INTS6: variants seen among roughly 807,000 people sequenced by gnomAD.
INTS6 encodes the protein DEAD box protein.
INTS6 carries 16 observed loss-of-function variants against 104.9 expected under a neutral mutation model. The observed-to-expected ratio is 0.15, with a 90% CI of 0.10 to 0.23. The LOEUF is 0.23. Ranked by LOEUF, INTS6 falls within the 10% of genes least tolerant of loss-of-function variation. INTS6 has a pLI of 1.00. For synonymous variants in INTS6, 324 were observed against 358.7 expected (o/e 0.90, Z 1.09); for missense variants, 584 against 1,062.8 (o/e 0.55, Z 6.26).
At chr13:51,352,471 GTTTT>G (rs796835423), downstream of INTS6, among the ~76,000 whole-genome samples, 1 of 150,222 alleles carries the variant, frequency 6.7e-6, no homozygotes, top group Non-Finnish European at 1.5e-5. Context: ...GCTCTGATAG[GTTTT>G]TTTTTGTGTG....
chr13:51,434,700 C>T (rs567295046), intron 3 of INTS6, among the ~76,000 whole-genome samples: 187 of 152,210 alleles, frequency 1.2e-3, no homozygotes, highest in Non-Finnish European at 1.9e-3. Context: ...ATTTCTACAT[C>T]ACTAGCAGAA....
chr13:51,343,422 G>A, the INTS6 span, among the ~76,000 whole-genome samples: 1 of 152,126 alleles, frequency 6.6e-6, no homozygotes, highest in Non-Finnish European at 1.5e-5. Context: ...GCCTGGGGGA[G>A]GACAGAAGCT....
At chr13:51,393,238 C>CA (rs1226696053) in intron 5 of INTS6, among the ~76,000 whole-genome samples, 1 of 152,086 alleles carries the variant, frequency 6.6e-6, no homozygotes, top group Non-Finnish European at 1.5e-5. Flanking sequence ...CCATCACGCC[C>CA]AGCTAATTTT....
At chr13:51,381,008 G>GA (rs1025900225) in intron 10 of INTS6, among the ~76,000 whole-genome samples, 1 of 149,526 alleles carries the variant, frequency 6.7e-6, no homozygotes, top group East Asian at 1.9e-4. Context: ...AAAACGTTAG[G>GA]AAAAAAAAAT....
chr13:51,399,194 A>G (rs903097704), intron 4 of INTS6, among the ~76,000 whole-genome samples: 7 of 150,916 alleles, frequency 4.6e-5, no homozygotes, highest in Non-Finnish European at 1.0e-4. Flanking sequence ...CATATTGTTT[A>G]TCTGTATATC....
chr13:51,389,531 A>G (rs1030684465), intron 5 of INTS6, 87 bp from the exon 6 acceptor site: 1 of 1,317,588 alleles, frequency 7.6e-7, no homozygotes, highest in African/African-American at 1.5e-5. Context: ...CAAGAAAAAA[A>G]CAACTGTGGG....
chr13:51,367,915 CAAAA>C lies in INTS6; in HGVS notation c.2477-21_2477-18del, dbSNP rs775852523. 7.5e-5 allele frequency: 108 copies of C among 1,443,818 alleles called. No individual in the cohort carries two copies. The highest frequency in any genetic ancestry group is 3.7e-5 in the Non-Finnish European group (40 of 1,067,214). 89.4% of individuals were successfully genotyped at this position (1,443,818 alleles called of 1,614,324 possible). ...TTTCATATTCTTAAAGCAAAAGAAA[CAAAA>C]AGAAAAATTAAGTGCCTTTCATTTG... On this transcript the variant is annotated intron_variant, in intron 16 of 17. Transcript: ENST00000311234.
At chr13:51,354,293 T>A (rs1955446099) in exon 4 of INTS6, 1 of 152,174 alleles carries the variant, frequency 6.6e-6, no homozygotes, top group South Asian at 2.1e-4. Context: ...CATTATGTCA[T>A]CTTGGGCAAG....
chr13:51,397,779 T>TCTTGAGATACATGGAA (rs1956366430), intron 4 of INTS6, among the ~76,000 whole-genome samples: 1 of 152,032 alleles, frequency 6.6e-6, no homozygotes, highest in Admixed American at 6.6e-5. Context: ...CATGGAACTG[T>TCTTGAGATACATGGAA]CTTGAGAATG....
At chr13:51,344,534 AG>A in the INTS6 span, 1 of 1,424,140 alleles carries the variant, frequency 7.0e-7, no homozygotes. Context: ...AGGGCTGCAG[AG>A]ACAGAGTCTC....
At chr13:51,411,191 T>C (rs979396684) in intron 4 of INTS6, among the ~76,000 whole-genome samples, 2 of 149,674 alleles carry the variant, frequency 1.3e-5, no homozygotes, top group African/African-American at 4.9e-5. Context: ...CCAGCCCGGG[T>C]GACAGAGTGA....
chr13:51,379,541 G>A lies in INTS6; in HGVS notation c.1307C>T (p.Ala436Val). 6.3e-7 allele frequency: 1 copy of A among 1,599,796 alleles called. No homozygotes were observed. The highest frequency in any genetic ancestry group is 8.5e-7 in the Non-Finnish European group (1 of 1,171,964). Reference protein sequence around the residue: ...PLKKAVRMMGAPNLIADSMEY... With the variant: ...PLKKAVRMMGVPNLIADSMEY... ...CATACTGTCTGCTATTAGGTTAGGT[G>A]CTCCCATCATCCTAACAGCTTTCTT... Residue 436 changes from alanine (A) to valine (V), a missense_variant, in exon 11 of 18, where the codon GCA becomes GTA. This residue lies in a region of INTS6 where 144 missense variants were observed against 348.7 expected (regional missense o/e 0.41). Transcript: ENST00000311234.
At chr13:51,404,103 C>CACACACACACAG (rs1491389220) in intron 4 of INTS6, among the ~76,000 whole-genome samples, 1,429 of 103,752 alleles carry the variant, frequency 0.014, 13 homozygotes, top group South Asian at 0.031. Context: ...CACACACACA[C>CACACACACACAG]AGAGAGAGAG....
At chr13:51,342,108 A>G in the INTS6 span, among the ~76,000 whole-genome samples, 1 of 151,694 alleles carries the variant, frequency 6.6e-6, no homozygotes, top group Non-Finnish European at 1.5e-5. Flanking sequence ...AACTCCAGCT[A>G]AAACAGATAC....
chr13:51,373,208 T>A (rs910539269), intron 15 of INTS6, among the ~76,000 whole-genome samples: 59 of 152,106 alleles, frequency 3.9e-4, no homozygotes, highest in African/African-American at 1.4e-3. Context: ...TTTGGTTTTT[T>A]TTTTTTTGGG....
intron 3 of INTS6, chr13:51,443,351 A>AT (rs533641352): frequency 1.2e-4 from 18 of 152,274 alleles, no homozygotes; most frequent in African/African-American, 3.4e-4. Flanking sequence ...CAAATGTTCA[A>AT]TTTTTTTAAG....
At chr13:51,414,930 C>CA (rs1459643864) in intron 4 of INTS6, among the ~76,000 whole-genome samples, 1 of 151,400 alleles carries the variant, frequency 6.6e-6, no homozygotes, top group African/African-American at 2.4e-5. Flanking sequence ...TTTCACCGTC[C>CA]AACAATCCCA....
chr13:51,336,304 AT>A, the INTS6 span, among the ~76,000 whole-genome samples: 1 of 152,146 alleles, frequency 6.6e-6, no homozygotes, highest in East Asian at 1.9e-4. Flanking sequence ...CCTGGCCAAC[AT>A]GGCGAAACCC....
At chr13:51,451,316 G>A in intron 2 of INTS6, 142 bp from the exon 3 acceptor site, 2 of 507,548 alleles carry the variant, frequency 3.9e-6, no homozygotes, top group Non-Finnish European at 6.3e-6. Flanking sequence ...TACCGCTGCT[G>A]AGGAAACTCT....
Sources: gnomAD v4.1 joint callset for allele counts (sites outside exome capture counted in the v4.1 genomes callset) on GRCh38, gnomAD v4.1.1 for gene constraint, gnomAD v4.1.1 regional missense constraint, MANE v1.5 for transcripts, NCBI Gene and HGNC (gene_info 2026-07-23, HGNC 2026-07-21) for gene names.